Variants in TNS4 observed in about 807,000 individuals in gnomAD.
TNS4 encodes the protein tensin 4, also known as tensin-4.
In TNS4, 46 loss-of-function variants were observed where a neutral mutation model predicts 70.4. The observed-to-expected ratio is 0.65, with a 90% confidence interval of 0.52 to 0.84. The LOEUF is 0.84. Among genes scored for constraint, TNS4 ranks in the 40% least tolerant of loss-of-function variants. TNS4 has a pLI of 0.00. For missense variants in TNS4, 863 were observed against 907.0 expected (o/e 0.95, Z 0.62); for synonymous variants, 390 against 366.6 (o/e 1.06, Z -0.73).
chr17:40,487,518 G>A, intron 3 of TNS4, 58 bp from the exon 4 acceptor site: 2 of 1,538,128 alleles, frequency 1.3e-6, no homozygotes, highest in Non-Finnish European at 1.8e-6. Context: ...AGGGGCTAGA[G>A]TCAGGCTCCG....
Position 40,482,311 on chromosome 17 carries a change from T to C in TNS4, c.1594+13A>G. 1 of 1,614,118 alleles carries C rather than the reference T, an allele frequency of 6.2e-7. No individual in the cohort carries two copies. Among genetic ancestry groups the C allele is most frequent in the Non-Finnish European group, 8.5e-7 (1 of 1,179,990 alleles). ...CCCCATCCCGGGGGAGCCTGGAGGCTGGGGAGTCTCACCAAAGTAGGGCTC... is the reference window on the plus strand; with the variant it reads ...CCCCATCCCGGGGGAGCCTGGAGGCCGGGGAGTCTCACCAAAGTAGGGCTC... On this transcript the variant is annotated intron_variant, in intron 7 of 12. Transcript: ENST00000254051.
At chr17:40,491,340 C>T (rs2036063799) in intron 2 of TNS4, among the ~76,000 whole-genome samples, 1 of 152,144 alleles carries the variant, frequency 6.6e-6, no homozygotes, top group Non-Finnish European at 1.5e-5. Flanking sequence ...GTATTAGCTC[C>T]TTTAACCCTC....
rs762509650 is a variant in TNS4 at position 40,482,361 on chromosome 17, T to C, written c.1557A>G (p.Gly519=). The C allele has an allele frequency of 6.2e-7, 1 of 1,614,072 alleles. No homozygotes were observed. The highest frequency in any genetic ancestry group is 2.2e-5 in the East Asian group (1 of 44,870). ...RHFLIESSAK[G]VHLKGADEEP... Reference sequence around the variant, plus strand: ...CCTCATCTGCTCCTTTGAGATGCACTCCTTTGGCAGACGACTCGATGAGGA... The same window carrying C: ...CCTCATCTGCTCCTTTGAGATGCACCCCTTTGGCAGACGACTCGATGAGGA... Residue 519 remains glycine, a synonymous_variant, in exon 7 of 13, where the codon GGA becomes GGG. Coordinates refer to ENST00000254051, the MANE Select transcript of TNS4 (RefSeq NM_032865.6).
rs1048677707 is a variant in TNS4 at position 40,477,545 on chromosome 17, G to C, written c.*43C>G. The C allele has an allele frequency of 1.9e-5, 30 of 1,607,086 alleles. No homozygotes were observed. Among genetic ancestry groups the C allele is most frequent in the Non-Finnish European group, 2.5e-5 (29 of 1,175,638 alleles). ...AGGGGGTGGAGGGGGGCTCCTTAGC[G>C]AGCCCCTGGAGGTGTTGGTTAGGTG... On this transcript the variant is annotated 3_prime_UTR_variant, in exon 13 of 13. Coordinates refer to ENST00000254051, the MANE Select transcript of TNS4 (RefSeq NM_032865.6).
rs919411301 is a variant in TNS4, at chr17:40,484,958, A to T, written c.1338T>A (p.Ser446=). 10 of 1,614,206 alleles carry T rather than the reference A, an allele frequency of 6.2e-6. No homozygotes were observed. The highest frequency in any genetic ancestry group is 8.5e-6 in the Non-Finnish European group (10 of 1,180,034). ...QPTMKFVMDT[S]KYWFKPNITR... ...TGATGTTTGGCTTAAACCAGTATTT[A>T]GATGTGTCCATCACGAACTTCATGG... The change falls in exon 5 of 13, where the codon TCT becomes TCA. Residue 446 remains serine (S), a synonymous_variant. Coordinates refer to ENST00000254051, the MANE Select transcript of TNS4 (RefSeq NM_032865.6).
intron 6 of TNS4, among the ~76,000 whole-genome samples, chr17:40,482,868 C>G (rs1180580723): frequency 6.6e-6 from 1 of 152,118 alleles, no homozygotes; most frequent in East Asian, 1.9e-4. Flanking sequence ...TGGCTCCAGC[C>G]ACACCCTCTT....
At chr17:40,484,242 C>A (rs2035962217) in intron 6 of TNS4, among the ~76,000 whole-genome samples, 1 of 152,164 alleles carries the variant, frequency 6.6e-6, no homozygotes, top group Non-Finnish European at 1.5e-5. Context: ...CAGAAAAAAG[C>A]AGGGAAGTGG....
rs578005116 is a variant in TNS4 at position 40,487,851 on chromosome 17, G to A, written c.864-391C>T. ...GGCTGAACCTACGCTGGACCACACC[G>A]TGGCTGATGCAGAGGGAACTCCCCA... On this transcript the variant is annotated intron_variant, in intron 3 of 12. Transcript: ENST00000254051. Among the ~76,000 whole-genome samples, 67 of 152,332 alleles carry A rather than the reference G, an allele frequency of 4.4e-4. No individual in the cohort carries two copies. In the Middle Eastern group the frequency reaches 0.017, roughly 39 times the overall value.
chr17:40,484,652 G>A, intron 5 of TNS4, 43 bp from the exon 6 acceptor site: 1 of 1,607,206 alleles, frequency 6.2e-7, no homozygotes, highest in Non-Finnish European at 8.5e-7. Flanking sequence ...GCCCCACCTG[G>A]ACACCCTGTC....
At chr17:40,491,290 T>C (rs1423683116) in intron 2 of TNS4, among the ~76,000 whole-genome samples, 3 of 152,180 alleles carry the variant, frequency 2.0e-5, no homozygotes, top group South Asian at 2.1e-4. Flanking sequence ...CTGGTCTTTA[T>C]TGAGTGCAAT....
At position 40,482,345 on chromosome 17, in the gene TNS4, C is replaced by G. The variant is rs1282582392; in HGVS notation, c.1573G>C (p.Ala525Pro). Residue 525 changes from alanine (A) to proline (P), a missense_variant, in exon 7 of 13, where the codon GCA becomes CCA. Ala to Pro is a conservative substitution (Grantham distance 27). Coordinates refer to ENST00000254051, the MANE Select transcript of TNS4 (RefSeq NM_032865.6). ...TCACCAAAGTAGGGCTCCTCATCTG[C>G]TCCTTTGAGATGCACTCCTTTGGCA... ...SSAKGVHLKGADEEPYFGSLS... is the reference protein window; with the variant it reads ...SSAKGVHLKGPDEEPYFGSLS... The G allele has an allele frequency of 6.2e-7, 1 of 1,614,044 alleles. No homozygotes were observed. Among genetic ancestry groups the G allele is most frequent in the Non-Finnish European group, 8.5e-7 (1 of 1,180,054 alleles).
chr17:40,488,741 G>A lies in TNS4; in HGVS notation c.668C>T (p.Pro223Leu). 5 of 1,597,532 alleles carry A rather than the reference G, an allele frequency of 3.1e-6. No individual in the cohort carries two copies. The highest frequency in any genetic ancestry group is 4.3e-6 in the Non-Finnish European group (5 of 1,172,844). Residue 223 changes from proline (P) to leucine (L), a missense_variant, in exon 3 of 13, where the codon CCT becomes CTT. Coordinates refer to ENST00000254051, the MANE Select transcript of TNS4 (RefSeq NM_032865.6). Reference protein sequence around the residue: ...RPLPPSEGLSPRPPNSPSISI... With the variant: ...RPLPPSEGLSLRPPNSPSISI... ...GATGCTGGGGGAATTTGGGGGTCGA[G>A]GGGAGAGACCCTCTGAGGGGGGCAG... is the stretch of plus-strand genomic sequence containing the variant.
At chr17:40,496,599 G>T in intron 1 of TNS4, 79 bp from the exon 2 acceptor site, 1 of 627,598 alleles carries the variant, frequency 1.6e-6, no homozygotes, top group Non-Finnish European at 2.6e-6. Flanking sequence ...CAAAGGCTAA[G>T]TTATTCATTC....
At chr17:40,480,935 C>A (rs2035914416) in intron 8 of TNS4, 167 bp from the exon 9 acceptor site, 9 of 708,860 alleles carry the variant, frequency 1.3e-5, no homozygotes, top group African/African-American at 1.9e-5. Context: ...GGCAAACAGG[C>A]CACTTTGGGC....
intron 1 of TNS4, among the ~76,000 whole-genome samples, chr17:40,500,826 C>T (rs2036205129): frequency 1.3e-5 from 2 of 149,904 alleles, no homozygotes; most frequent in South Asian, 2.2e-4. Context: ...TGACGCAGGA[C>T]GTGGACCTCA....
intron 2 of TNS4, among the ~76,000 whole-genome samples, chr17:40,489,389 C>T (rs1055593828): frequency 6.6e-6 from 1 of 152,174 alleles, no homozygotes; most frequent in African/African-American, 2.4e-5. Flanking sequence ...CCGGCACAGA[C>T]CAGGTGCTTA....
intron 3 of TNS4, among the ~76,000 whole-genome samples, 190 bp from the exon 4 acceptor site, chr17:40,487,650 A>C (rs1266611390): frequency 6.6e-6 from 1 of 152,132 alleles, no homozygotes; most frequent in Non-Finnish European, 1.5e-5. Flanking sequence ...AGGATACAGA[A>C]ATGTCCTTGG....
Position 40,482,174 on chromosome 17 carries a change from T to G in TNS4, c.1627A>C (p.Ile543Leu), listed in dbSNP as rs755862531. 2 of 1,614,206 alleles carry G rather than the reference T, an allele frequency of 1.2e-6. No homozygotes were observed. The highest frequency in any genetic ancestry group is 1.7e-6 in the Non-Finnish European group (2 of 1,180,034). Reference protein sequence around the residue: ...SLSAFVCQHSIMALALPCKLT... With the variant: ...SLSAFVCQHSLMALALPCKLT... ...TTGCAGGGCAGGGCCAGGGCCATGA[T>G]GGAATGCTGGCACACGAAGGCAGAG... Residue 543 changes from isoleucine (I) to leucine (L), a missense_variant, in exon 8 of 13, where the codon ATC (isoleucine) becomes CTC (leucine). Ile to Leu is a conservative substitution (Grantham distance 5, BLOSUM62 2). Coordinates refer to ENST00000254051, the MANE Select transcript of TNS4 (RefSeq NM_032865.6).
chr17:40,482,738 A>G (rs983100706), intron 6 of TNS4, among the ~76,000 whole-genome samples: 9 of 151,366 alleles, frequency 5.9e-5, no homozygotes, highest in African/African-American at 1.2e-4. Flanking sequence ...AGATTGTGCT[A>G]CTGCACTCCA....
Sources: gnomAD v4.1 joint callset for allele counts (sites outside exome capture counted in the v4.1 genomes callset) on GRCh38, gnomAD v4.1.1 for gene constraint, MANE v1.5 for transcripts, NCBI Gene and HGNC (gene_info 2026-07-23, HGNC 2026-07-21) for gene names.